Variants in MAGED1 observed in about 807,000 individuals in gnomAD.
MAGED1 encodes MAGE family member D1.
MAGED1 carries 3 observed loss-of-function variants against 54.1 expected under a neutral mutation model. The ratio of observed to expected loss-of-function variants is 0.06; its 90% CI spans 0.03 to 0.14. The LOEUF is 0.14. MAGED1 is among the 10% of genes least tolerant of loss of function. The pLI is 1.00. For synonymous variants in MAGED1, 217 were observed against 227.3 expected (o/e 0.95, Z 0.41); for missense variants, 485 against 623.4 (o/e 0.78, Z 2.36).
At chrX:51,805,808 C>T (rs1376474272) in intron 1 of MAGED1, among the ~76,000 whole-genome samples, 3 of 109,086 alleles carry the variant, frequency 2.8e-5, no homozygotes, top group Admixed American at 1.0e-4. Flanking sequence ...TCCGTCCATC[C>T]GTCCATCCAT....
chrX:51,900,026 T>A (rs782167745), intron 10 of MAGED1, 156 bp from the exon 11 acceptor site: 2 of 443,786 alleles, frequency 4.5e-6, no homozygotes, highest in Non-Finnish European at 7.9e-6. Flanking sequence ...AATTTAAGGC[T>A]TGATGATTAA....
upstream of MAGED1, among the ~76,000 whole-genome samples, chrX:51,893,351 G>A (rs1201429408): frequency 9.1e-6 from 1 of 109,345 alleles, no homozygotes; most frequent in Non-Finnish European, 1.9e-5. Flanking sequence ...TGTGGGGCAA[G>A]GGGTGGGACC....
chrX:51,805,965 CTTTTTTTTTT>C (rs57427122), intron 1 of MAGED1, among the ~76,000 whole-genome samples: 14 of 36,950 alleles, frequency 3.8e-4, no homozygotes, highest in Admixed American at 1.1e-3. Flanking sequence ...CTTTTCTTTT[CTTTTTTTTTT>C]TTTTTTTTTT....
At chrX:51,898,462 G>A in intron 9 of MAGED1, 119 bp from the exon 10 acceptor site, 1 of 974,875 alleles carries the variant, frequency 1.0e-6, no homozygotes, top group Admixed American at 2.7e-5. Context: ...TGTGACCTGG[G>A]TGGATGGGGA....
At chrX:51,814,139 A>C (rs1223290092) in intron 1 of MAGED1, among the ~76,000 whole-genome samples, 6 of 111,281 alleles carry the variant, frequency 5.4e-5, no homozygotes, top group African/African-American at 2.0e-4. Flanking sequence ...GTCATCAGGG[A>C]GTGAAAAAAA....
intron 1 of MAGED1, among the ~76,000 whole-genome samples, chrX:51,877,368 T>A (rs898009516): frequency 8.9e-5 from 10 of 111,735 alleles, no homozygotes; most frequent in Non-Finnish European, 1.9e-4. Flanking sequence ...CAAAGATATT[T>A]TCAAAGCAAA....
chrX:51,895,873 G>A, intron 3 of MAGED1, 113 bp downstream of exon 3: 1 of 578,052 alleles, frequency 1.7e-6, no homozygotes. Flanking sequence ...TAGGCTATAG[G>A]GCATTTGAAG....
At chrX:51,898,823 C>T in intron 10 of MAGED1, 180 bp downstream of exon 10, 2 of 393,837 alleles carry the variant, frequency 5.1e-6, no homozygotes, top group Non-Finnish European at 4.3e-6. Flanking sequence ...GGCAACATAA[C>T]GAAACCCCAT....
At chrX:51,815,971 A>G (rs993903464) in intron 1 of MAGED1, among the ~76,000 whole-genome samples, 8 of 112,006 alleles carry the variant, frequency 7.1e-5, no homozygotes, top group African/African-American at 2.6e-4. Context: ...GTGTAGCCTA[A>G]GTGTACTAAA....
chrX:51,876,202 A>G (rs1195788916), intron 1 of MAGED1, among the ~76,000 whole-genome samples: 1 of 111,100 alleles, frequency 9.0e-6, no homozygotes, highest in Non-Finnish European at 1.9e-5. Flanking sequence ...GATAAACTCT[A>G]TGAATGTAGT....
At chrX:51,845,754 A>T (rs1261228203) in intron 1 of MAGED1, among the ~76,000 whole-genome samples, 4 of 111,055 alleles carry the variant, frequency 3.6e-5, no homozygotes, top group African/African-American at 1.3e-4. Flanking sequence ...TATATTTTCT[A>T]TGTGGATCTG....
At chrX:51,809,360 C>T (rs1031273519) in intron 1 of MAGED1, among the ~76,000 whole-genome samples, 18 of 111,472 alleles carry the variant, frequency 1.6e-4, no homozygotes, top group Non-Finnish European at 9.4e-5. Context: ...GTGATCCACC[C>T]GCCTCTGCCT....
At chrX:51,862,323 C>T (rs1274291834) in intron 1 of MAGED1, among the ~76,000 whole-genome samples, 2 of 110,911 alleles carry the variant, frequency 1.8e-5, no homozygotes, top group Non-Finnish European at 3.8e-5. Context: ...TAAAATAGTG[C>T]CTGATACATG....
intron 1 of MAGED1, among the ~76,000 whole-genome samples, chrX:51,888,023 A>G (rs1767736767): frequency 9.0e-6 from 1 of 111,573 alleles, no homozygotes; most frequent in African/African-American, 3.3e-5. Flanking sequence ...ATTAAGGGTA[A>G]TGGGGGCTGG....
At chrX:51,902,024 G>A (rs1929048729) in intron 12 of MAGED1, 86 bp downstream of exon 12, 18 of 978,618 alleles carry the variant, frequency 1.8e-5, no homozygotes, top group Non-Finnish European at 2.3e-5. Flanking sequence ...TGAGCTAGAA[G>A]TATTAGGAAA....
intron 1 of MAGED1, among the ~76,000 whole-genome samples, chrX:51,809,122 AT>A (rs1169996994): frequency 3.8e-5 from 4 of 105,537 alleles, no homozygotes; most frequent in African/African-American, 6.9e-5. Context: ...ATTTTATTTT[AT>A]TTTTTTTTTG....
chrX:51,829,317 A>ATGTG (rs199532389), intron 1 of MAGED1, among the ~76,000 whole-genome samples: 1 of 107,727 alleles, frequency 9.3e-6, no homozygotes, highest in East Asian at 2.9e-4. Flanking sequence ...GTGTTTGTGT[A>ATGTG]TGTGTGTGTG....
intron 1 of MAGED1, among the ~76,000 whole-genome samples, chrX:51,861,333 T>G (rs1927275396): frequency 8.9e-6 from 1 of 112,093 alleles, no homozygotes; most frequent in Non-Finnish European, 1.9e-5. Flanking sequence ...CTTCACTTTT[T>G]TTCACCACCA....
chrX:51,817,016 T>C (rs1271240118), intron 1 of MAGED1, among the ~76,000 whole-genome samples: 1 of 111,664 alleles, frequency 9.0e-6, no homozygotes, highest in Non-Finnish European at 1.9e-5. Context: ...TAAACAAGTA[T>C]ACCTCACATT....
Sources: allele counts gnomAD v4.1 joint callset (sites outside exome capture counted in the v4.1 genomes callset), GRCh38; gene constraint gnomAD v4.1.1; transcripts MANE v1.5; gene names NCBI Gene and HGNC (gene_info 2026-07-23, HGNC 2026-07-21).